PDZD2: variants seen among roughly 807,000 people sequenced by gnomAD.
The protein encoded by PDZD2 is PDZ domain containing 2, also known as PDZ domain-containing protein 2.
In PDZD2, 90 loss-of-function variants were observed where a neutral mutation model predicts 220.7. The observed-to-expected ratio is 0.41, with a 90% CI of 0.34 to 0.49. PDZD2 has a LOEUF of 0.49. PDZD2 is among the 20% of genes least tolerant of loss of function. PDZD2 has a pLI of 0.28. For synonymous variants in PDZD2, 1,375 were observed against 1,450.5 expected (o/e 0.95, Z 1.18); for missense variants, 3,174 against 3,608.5 (o/e 0.88, Z 3.08).
chr5:31,891,459 G>A (rs758599367), intron 2 of PDZD2, among the ~76,000 whole-genome samples: 18 of 152,110 alleles, frequency 1.2e-4, no homozygotes, highest in Non-Finnish European at 2.5e-4. Context: ...GGGATTATAG[G>A]CATGTGCCAC....
chr5:31,701,256 G>C (rs1747599151), intron 1 of PDZD2, among the ~76,000 whole-genome samples: 1 of 152,156 alleles, frequency 6.6e-6, no homozygotes, highest in Non-Finnish European at 1.5e-5. Context: ...GGGTGCAGTA[G>C]CGCAGTCTCA....
chr5:32,025,547 A>T (rs1471398067), intron 6 of PDZD2, among the ~76,000 whole-genome samples: 8 of 147,246 alleles, frequency 5.4e-5, no homozygotes, highest in Non-Finnish European at 1.0e-4. Flanking sequence ...ACAAACAAAC[A>T]AACAAACAAA....
At chr5:31,997,782 TTTAG>T (rs1342611758) in intron 4 of PDZD2, among the ~76,000 whole-genome samples, 1 of 152,210 alleles carries the variant, frequency 6.6e-6, no homozygotes, top group African/African-American at 2.4e-5. Flanking sequence ...AGCGGGGCAT[TTTAG>T]TTAGTAACAG....
intron 2 of PDZD2, among the ~76,000 whole-genome samples, chr5:31,807,861 A>G (rs1288571935): frequency 6.6e-6 from 1 of 152,174 alleles, no homozygotes; most frequent in Non-Finnish European, 1.5e-5. Context: ...ACATGCTGTG[A>G]GGACCAGTGG....
chr5:31,709,276 CAG>C (rs1747975419), intron 1 of PDZD2, among the ~76,000 whole-genome samples: 1 of 151,868 alleles, frequency 6.6e-6, no homozygotes, highest in Non-Finnish European at 1.5e-5. Context: ...TGCTTGAGCT[CAG>C]GAGTTCAAGA....
At chr5:31,882,680 G>A (rs1047300522) in intron 2 of PDZD2, among the ~76,000 whole-genome samples, 3 of 152,064 alleles carry the variant, frequency 2.0e-5, no homozygotes, top group Non-Finnish European at 4.4e-5. Flanking sequence ...GAATAGTTTT[G>A]GAGGTAATGG....
At chr5:31,983,972 A>T (rs1750513523) in intron 3 of PDZD2, among the ~76,000 whole-genome samples, 1 of 152,180 alleles carries the variant, frequency 6.6e-6, no homozygotes, top group East Asian at 1.9e-4. Flanking sequence ...AATTTGAGTC[A>T]TGTGAGGTCC....
chr5:31,654,489 C>A (rs368414978), intron 1 of PDZD2, among the ~76,000 whole-genome samples: 1 of 151,940 alleles, frequency 6.6e-6, no homozygotes, highest in Non-Finnish European at 1.5e-5. Flanking sequence ...AAATGTTATC[C>A]GTAAGCCGAG....
intron 6 of PDZD2, among the ~76,000 whole-genome samples, chr5:32,022,159 T>G (rs1036342104): frequency 1.3e-5 from 2 of 151,670 alleles, no homozygotes; most frequent in Non-Finnish European, 2.9e-5. Context: ...TGTACTTGTC[T>G]TCTTCTTTTT....
At chr5:32,049,449 G>A (rs903369097) in intron 8 of PDZD2, among the ~76,000 whole-genome samples, 3 of 152,176 alleles carry the variant, frequency 2.0e-5, no homozygotes, top group Admixed American at 6.5e-5. Flanking sequence ...TGGCAGCAAC[G>A]ACCTCCACAC....
chr5:31,649,304 C>G (rs1355457361), intron 1 of PDZD2, among the ~76,000 whole-genome samples: 1 of 152,028 alleles, frequency 6.6e-6, no homozygotes, highest in Non-Finnish European at 1.5e-5. Context: ...CTTCTCTTAG[C>G]ACTCATTGCC....
At chr5:31,996,359 C>G (rs763377025) in intron 4 of PDZD2, among the ~76,000 whole-genome samples, 84 of 152,366 alleles carry the variant, frequency 5.5e-4, no homozygotes, top group Non-Finnish European at 1.0e-3. Context: ...AGGAGGATTG[C>G]TTGAGCCCAG....
At chr5:32,078,098 G>A (rs1023300109) in intron 19 of PDZD2, 1 of 159,320 alleles carries the variant, frequency 6.3e-6, no homozygotes, top group African/African-American at 2.4e-5. Context: ...ATGCCATGTT[G>A]AACACATCCA....
intron 4 of PDZD2, among the ~76,000 whole-genome samples, chr5:31,996,429 A>T (rs1042604637): frequency 5.3e-5 from 8 of 151,932 alleles, no homozygotes; most frequent in African/African-American, 1.7e-4. Context: ...AATAAAAATT[A>T]AAAAATAGCA....
intron 2 of PDZD2, among the ~76,000 whole-genome samples, chr5:31,858,829 G>T (rs1481926417): frequency 6.6e-6 from 1 of 150,774 alleles, no homozygotes; most frequent in African/African-American, 2.4e-5. Context: ...AGTGATTCTT[G>T]TGCCTCAGCC....
intron 1 of PDZD2, among the ~76,000 whole-genome samples, chr5:31,728,200 TA>T (rs1749296816): frequency 6.6e-6 from 1 of 151,850 alleles, no homozygotes; most frequent in South Asian, 2.1e-4. Context: ...CTCTATGCAC[TA>T]GATGCCAATA....
At chr5:31,750,602 A>G (rs2150176507) in intron 1 of PDZD2, among the ~76,000 whole-genome samples, 1 of 152,116 alleles carries the variant, frequency 6.6e-6, no homozygotes, top group Admixed American at 6.5e-5. Flanking sequence ...CGCTCCAGGG[A>G]GGATATTTGG....
chr5:31,988,940 T>A (rs1219892482), intron 3 of PDZD2, among the ~76,000 whole-genome samples: 1 of 152,104 alleles, frequency 6.6e-6, no homozygotes, highest in Non-Finnish European at 1.5e-5. Flanking sequence ...TCCTCTTCGG[T>A]CTCCTGCGGT....
intron 1 of PDZD2, among the ~76,000 whole-genome samples, chr5:31,655,209 G>A (rs950531324): frequency 6.6e-6 from 1 of 152,114 alleles, no homozygotes; most frequent in Admixed American, 6.5e-5. Flanking sequence ...GTCTCACTCT[G>A]TCACCCAGGC....
Sources: gnomAD v4.1 joint callset for allele counts (sites outside exome capture counted in the v4.1 genomes callset) on GRCh38, gnomAD v4.1.1 for gene constraint, MANE v1.5 for transcripts, NCBI Gene and HGNC (gene_info 2026-07-23, HGNC 2026-07-21) for gene names.